The following C13orf42 variants were observed in gnomAD, a reference collection of about 807,000 sequenced individuals.
C13orf42 encodes chromosome 13 open reading frame 42.
chr13:51,129,868 G>T (rs1953603369), intron 1 of C13orf42, among the ~76,000 whole-genome samples: 1 of 152,054 alleles, frequency 6.6e-6, no homozygotes, highest in African/African-American at 2.4e-5. Flanking sequence ...TATAAACTTT[G>T]CTGCAGATGC....
In C13orf42 at chr13:51,138,549, C is replaced by CA. The variant is rs1420977684; in HGVS notation, n.137-25328dup. ...TCACATCTCTCAGGATGGCTTTTAT[C>CA]AAAAAAAAAGAAAAAAAGAAAAGAA... On this transcript the variant is annotated intron_variant and non_coding_transcript_variant, in intron 1 of 4. Coordinates refer to the C13orf42 transcript ENST00000433280. Among the ~76,000 whole-genome samples, 312 of 149,206 alleles carry CA rather than the reference C, an allele frequency of 2.1e-3. 2 individuals are homozygous for CA. The highest frequency in any genetic ancestry group is 6.9e-3 in the African/African-American group (278 of 40,574).
intron 3 of C13orf42, among the ~76,000 whole-genome samples, chr13:51,084,551 AT>A (rs1037534351): frequency 6.6e-6 from 1 of 152,188 alleles, no homozygotes; most frequent in African/African-American, 2.4e-5. Context: ...CTGGGTTGTG[AT>A]TTTAATATGT....
chr13:51,120,084 A>G (rs1953521886), intron 1 of C13orf42, among the ~76,000 whole-genome samples: 1 of 152,206 alleles, frequency 6.6e-6, no homozygotes, highest in Non-Finnish European at 1.5e-5. Flanking sequence ...TGGTCACTCA[A>G]TAATAGTTGC....
chr13:51,118,636 G>A (rs1953510310), intron 1 of C13orf42, among the ~76,000 whole-genome samples: 2 of 152,278 alleles, frequency 1.3e-5, no homozygotes, highest in South Asian at 4.1e-4. Flanking sequence ...GATGAGAAGT[G>A]GTGACTCTTC....
At chr13:51,163,304 T>C (rs931914403) in intron 1 of C13orf42, among the ~76,000 whole-genome samples, 11 of 152,214 alleles carry the variant, frequency 7.2e-5, no homozygotes, top group Admixed American at 1.3e-4. Context: ...CCAGCTTTTC[T>C]AGTTTCTCTC....
chr13:51,132,772 C>T (rs996321989), intron 1 of C13orf42, among the ~76,000 whole-genome samples: 7 of 152,142 alleles, frequency 4.6e-5, no homozygotes, highest in Non-Finnish European at 7.4e-5. Flanking sequence ...CTGAGACCTG[C>T]TGGGCCACGT....
intron 1 of C13orf42, among the ~76,000 whole-genome samples, chr13:51,102,941 C>T (rs1281077079): frequency 1.3e-5 from 2 of 152,180 alleles, no homozygotes; most frequent in Admixed American, 1.3e-4. Context: ...CATGAGAACT[C>T]CCTCCCTATC....
At chr13:51,112,511 T>C (rs1196461998), upstream of C13orf42, among the ~76,000 whole-genome samples, 1 of 152,224 alleles carries the variant, frequency 6.6e-6, no homozygotes, top group East Asian at 1.9e-4. Context: ...AATATCATTA[T>C]AAATGTTTTC....
chr13:51,128,566 T>C (rs1364679620), intron 1 of C13orf42, among the ~76,000 whole-genome samples: 1 of 152,182 alleles, frequency 6.6e-6, no homozygotes, highest in Admixed American at 6.5e-5. Flanking sequence ...CAAGGACGCT[T>C]GACTGAACTT....
At chr13:51,114,198 C>T (rs1953463515), upstream of C13orf42, among the ~76,000 whole-genome samples, 1 of 152,116 alleles carries the variant, frequency 6.6e-6, no homozygotes. Context: ...AAGGGCAGGC[C>T]AGGATGAGAA....
At chr13:51,164,488 C>T (rs1366461299) in intron 1 of C13orf42, among the ~76,000 whole-genome samples, 1 of 152,010 alleles carries the variant, frequency 6.6e-6, no homozygotes, top group Non-Finnish European at 1.5e-5. Context: ...ATAGTGAGAC[C>T]CCCATCTCTA....
chr13:51,109,299 T>C (rs1437265276), intron 1 of C13orf42, among the ~76,000 whole-genome samples: 1 of 152,188 alleles, frequency 6.6e-6, no homozygotes, highest in Non-Finnish European at 1.5e-5. Flanking sequence ...CAGTCAGTCA[T>C]TCAACATTAA....
intron 1 of C13orf42, among the ~76,000 whole-genome samples, chr13:51,139,184 G>A (rs983652126): frequency 3.4e-4 from 51 of 152,044 alleles, no homozygotes; most frequent in Admixed American, 2.0e-4. Context: ...GCATGGTGGC[G>A]CACACCTGTA....
At chr13:51,092,811 T>TA (rs1214619140) in intron 1 of C13orf42, among the ~76,000 whole-genome samples, 1 of 152,090 alleles carries the variant, frequency 6.6e-6, no homozygotes, top group African/African-American at 2.4e-5. Flanking sequence ...TGTTTTATTA[T>TA]AAAAAATTTT....
chr13:51,138,779 C>T (rs1953675754), intron 1 of C13orf42, among the ~76,000 whole-genome samples: 1 of 152,134 alleles, frequency 6.6e-6, no homozygotes. Flanking sequence ...AAGAGATTTC[C>T]ACACTCCCAT....
intron 1 of C13orf42, among the ~76,000 whole-genome samples, chr13:51,104,935 G>T (rs1953336218): frequency 6.6e-6 from 1 of 152,218 alleles, no homozygotes; most frequent in African/African-American, 2.4e-5. Context: ...AGAGGCTGAT[G>T]CCAGTCACAT....
intron 1 of C13orf42, among the ~76,000 whole-genome samples, chr13:51,163,970 T>G (rs940268485): frequency 6.6e-6 from 1 of 152,016 alleles, no homozygotes; most frequent in Non-Finnish European, 1.5e-5. Flanking sequence ...AGATGAGTCA[T>G]GGGATATAGG....
At chr13:51,138,211 T>C (rs1953671413) in intron 1 of C13orf42, among the ~76,000 whole-genome samples, 1 of 152,208 alleles carries the variant, frequency 6.6e-6, no homozygotes, top group Non-Finnish European at 1.5e-5. Context: ...TACACAACTT[T>C]AAAGTTGTGG....
chr13:51,110,201 TC>T (rs1482858113), intron 1 of C13orf42, among the ~76,000 whole-genome samples: 5 of 152,226 alleles, frequency 3.3e-5, no homozygotes, highest in African/African-American at 1.2e-4. Flanking sequence ...TGTGATGATT[TC>T]ACTTTTCACC....
Sources: allele counts gnomAD v4.1 joint callset (sites outside exome capture counted in the v4.1 genomes callset), GRCh38; gene constraint gnomAD v4.1.1; transcripts MANE v1.5; gene names NCBI Gene and HGNC (gene_info 2026-07-23, HGNC 2026-07-21).